HCN4: variants seen among roughly 807,000 people sequenced by gnomAD.
The protein encoded by HCN4 is hyperpolarization activated cyclic nucleotide gated potassium channel 4, also known as potassium/sodium hyperpolarization-activated cyclic nucleotide-gated channel 4.
Under a neutral mutation model 76.9 loss-of-function variants are expected in HCN4, and 29 were observed. The ratio of observed to expected loss-of-function variants is 0.38; its 90% CI spans 0.28 to 0.51. HCN4 has a LOEUF of 0.51. Ranked by LOEUF, HCN4 falls within the 20% of genes least tolerant of loss-of-function variation. HCN4 has a pLI of 0.90. For missense variants in HCN4, 1,416 were observed against 1,715.2 expected, an observed-to-expected ratio of 0.83 and a Z score of 3.08; for synonymous variants, 772 against 762.5, an observed-to-expected ratio of 1.01 and a Z score of -0.21.
At chr15:73,354,105 G>A (rs2043067266) in intron 1 of HCN4, among the ~76,000 whole-genome samples, 1 of 152,194 alleles carries the variant, frequency 6.6e-6, no homozygotes, top group African/African-American at 2.4e-5. Flanking sequence ...AAGGGCATCT[G>A]GGGCTTGGTT....
At chr15:73,364,751 G>A (rs2043121132) in intron 1 of HCN4, among the ~76,000 whole-genome samples, 1 of 152,122 alleles carries the variant, frequency 6.6e-6, no homozygotes, top group Non-Finnish European at 1.5e-5. Context: ...GAGAAGCAGA[G>A]GTAGCCCAGA....
In HCN4 at chr15:73,343,856, G is replaced by A; in HGVS notation, c.786-48C>T. On this transcript the variant is annotated intron_variant, in intron 1 of 7. Transcript: ENST00000261917. This position sits in a 1 kb window ranked among gnomAD's most constrained non-coding sequence, Gnocchi z 5.7. ...GTCGCCAGGAAGAGAGAGAGGACAAGTTACAGACTAAGGGAGGAAGATCTG... is the reference window on the plus strand; with the variant it reads ...GTCGCCAGGAAGAGAGAGAGGACAAATTACAGACTAAGGGAGGAAGATCTG... 1 of 1,588,116 alleles carries A rather than the reference G, an allele frequency of 6.3e-7. No homozygotes were observed. Among genetic ancestry groups the A allele is most frequent in the Non-Finnish European group, 8.6e-7 (1 of 1,157,912 alleles).
rs750479244 is a variant in HCN4, at chr15:73,343,408, G to A, written c.1186C>T (p.Arg396Ter). The stretch of plus-strand genomic sequence containing the variant: ...ACCTCTTCCCACTGGTGAATATATC[G>A]AATGAGGCGGGAGAGGCGTAACAGG... ...LRLLRLSRLI[R>*]YIHQWEEIFH... Residue 396 changes from arginine to a stop codon, truncating the protein, a stop_gained, in exon 2 of 8, where the codon CGA (arginine) becomes TGA (stop). Transcript: ENST00000261917. LOFTEE classifies it high-confidence loss of function. The surrounding 1 kb of genome is among the most constrained non-coding windows in gnomAD (Gnocchi z 5.7). 6.2e-7 allele frequency: 1 copy of A among 1,614,080 alleles called. No homozygotes were observed. Among genetic ancestry groups the A allele is most frequent in the Non-Finnish European group, 8.5e-7 (1 of 1,180,020 alleles).
chr15:73,336,512 G>A (rs957383224), intron 2 of HCN4, among the ~76,000 whole-genome samples: 21 of 152,160 alleles, frequency 1.4e-4, no homozygotes, highest in African/African-American at 3.1e-4. Context: ...AAATTGGCTC[G>A]TATGTCCAGC....
Position 73,367,647 on chromosome 15 carries a change from C to A in HCN4, c.624G>T (p.Leu208=). 6.2e-7 allele frequency: 1 copy of A among 1,611,014 alleles called. No individual in the cohort carries two copies. The change falls in exon 1 of 8, where the codon CTG becomes CTT. Residue 208 remains leucine (L), a synonymous_variant. Coordinates refer to ENST00000261917, the MANE Select transcript of HCN4 (RefSeq NM_005477.3). The surrounding 1 kb of genome is among the most constrained non-coding windows in gnomAD (Gnocchi z 7.5). ...GGCGCTGCATGAAGCCGGCCTGGCC[C>A]AGGCGCACCTCGGCCTCCGGGAGGA... ...DQILPEAEVR[L]GQAGFMQRQF...
In HCN4 at chr15:73,325,689, C is replaced by T. The variant is rs1357509924; in HGVS notation, c.1591-245G>A. 6.6e-6 allele frequency among the ~76,000 whole-genome samples: 1 copy of T among 152,128 alleles called. No individual in the cohort carries two copies. Among genetic ancestry groups the T allele is most frequent in the African/African-American group, 2.4e-5 (1 of 41,390 alleles). ...ACCAGCATCTGCTCCTCGCTGTGTT[C>T]AATACTAAGGAGGTGGGTGAGGGCG... On this transcript the variant is annotated intron_variant, in intron 4 of 7. Coordinates refer to ENST00000261917, the MANE Select transcript of HCN4 (RefSeq NM_005477.3). This position sits in a 1 kb window ranked among gnomAD's most constrained non-coding sequence, Gnocchi z 7.4.
At chr15:73,350,021 C>A (rs1319366307) in intron 1 of HCN4, among the ~76,000 whole-genome samples, 1 of 152,226 alleles carries the variant, frequency 6.6e-6, no homozygotes, top group Admixed American at 6.5e-5. Context: ...CATTCCAAAG[C>A]ACACACTTGA....
intron 2 of HCN4, among the ~76,000 whole-genome samples, chr15:73,332,742 C>CA (rs1279653842): frequency 6.6e-6 from 1 of 152,184 alleles, no homozygotes; most frequent in African/African-American, 2.4e-5. Context: ...ACTAAATTCT[C>CA]AAGACTCACA....
At chr15:73,332,779 A>C (rs1423081581) in intron 2 of HCN4, among the ~76,000 whole-genome samples, 1 of 152,178 alleles carries the variant, frequency 6.6e-6, no homozygotes, top group Non-Finnish European at 1.5e-5. Context: ...CTGCAGAGGA[A>C]GCGGCACAGG....
chr15:73,365,729 T>C (rs1429360910), intron 1 of HCN4, among the ~76,000 whole-genome samples: 1 of 152,186 alleles, frequency 6.6e-6, no homozygotes, highest in Non-Finnish European at 1.5e-5. Context: ...GGTTGGCCTC[T>C]TGTAGGCTCC....
At position 73,325,556 on chromosome 15, in the gene HCN4, G is replaced by A; in HGVS notation, c.1591-112C>T. The A allele has an allele frequency of 1.8e-6, 2 of 1,100,464 alleles. No homozygotes were observed. Among genetic ancestry groups the A allele is most frequent in the Admixed American group, 3.5e-5 (2 of 57,660 alleles). The allele number at this position is 1,100,464 out of a possible 1,614,324, so 68.2% of individuals were successfully genotyped here. On this transcript the variant is annotated intron_variant, in intron 4 of 7. Coordinates refer to ENST00000261917, the MANE Select transcript of HCN4 (RefSeq NM_005477.3). The surrounding 1 kb of genome is among the most constrained non-coding windows in gnomAD (Gnocchi z 7.4). ...GGCACCCACCCCGGGGGATTTCCTG[G>A]CTAAACTTGGTTCCTTGAGATCTGA...
intron 1 of HCN4, among the ~76,000 whole-genome samples, chr15:73,357,999 C>G (rs2043088829): frequency 6.6e-6 from 1 of 152,180 alleles, no homozygotes; most frequent in Non-Finnish European, 1.5e-5. Context: ...GGCTCAATAC[C>G]TATTTGGCCA....
chr15:73,368,215 A>G lies in HCN4; in HGVS notation c.56T>C (p.Val19Ala), dbSNP rs1358888636. ...GTCCATGATCCACGCCTTGGCCCCCACCTGCTGCGGGAGGCTGTAGAGCCG... is the reference window on the plus strand; with the variant it reads ...GTCCATGATCCACGCCTTGGCCCCCGCCTGCTGCGGGAGGCTGTAGAGCCG... ...RKRLYSLPQQ[V>A]GAKAWIMDEE... The change falls in exon 1 of 8, where the codon GTG becomes GCG. Residue 19 changes from valine to alanine, a missense_variant. By Grantham distance (64) the Val-to-Ala change is moderately conservative. Coordinates refer to ENST00000261917, the MANE Select transcript of HCN4 (RefSeq NM_005477.3). This position sits in a 1 kb window ranked among gnomAD's most constrained non-coding sequence, Gnocchi z 6.9. 2 of 1,528,912 alleles carry G rather than the reference A, an allele frequency of 1.3e-6. No individual in the cohort carries two copies. The highest frequency in any genetic ancestry group is 2.6e-5 in the East Asian group (1 of 38,296). The allele number at this position is 1,528,912 out of a possible 1,614,324, so 94.7% of individuals were successfully genotyped here. A position where few individuals can be genotyped will look rare whatever the true frequency, so the allele number is the denominator to read the frequency against.
At chr15:73,324,482 C>T (rs898679709) in intron 6 of HCN4, among the ~76,000 whole-genome samples, 1 of 152,228 alleles carries the variant, frequency 6.6e-6, no homozygotes. Flanking sequence ...ATGTGTTCCC[C>T]CAAAATTTAT....
At chr15:73,364,697 T>G (rs1349461552) in intron 1 of HCN4, among the ~76,000 whole-genome samples, 1 of 152,076 alleles carries the variant, frequency 6.6e-6, no homozygotes, top group East Asian at 1.9e-4. Context: ...CAGGGCATGG[T>G]TTCTTTTCTA....
Position 73,367,941 on chromosome 15 carries a change from G to A in HCN4, c.330C>T (p.Ser110=). The A allele has an allele frequency of 4.4e-6, 6 of 1,357,400 alleles. No individual in the cohort carries two copies. Among genetic ancestry groups the A allele is most frequent in the Admixed American group, 3.1e-5 (1 of 32,636 alleles). The allele number at this position is 1,357,400 out of a possible 1,614,324, so 84.1% of individuals were successfully genotyped here. ...LASLGSRGGG[S]GGTGSGSSHG... Reference sequence around the variant, plus strand: ...GACTGCTGCCGCTCCCCGTGCCGCCGCTGCCGCCGCCCCGGCTGCCCAGCG... The same window carrying A: ...GACTGCTGCCGCTCCCCGTGCCGCCACTGCCGCCGCCCCGGCTGCCCAGCG... The change falls in exon 1 of 8, where the codon AGC becomes AGT. Residue 110 remains serine (S), a synonymous_variant. Coordinates refer to ENST00000261917, the MANE Select transcript of HCN4 (RefSeq NM_005477.3). This position sits in a 1 kb window ranked among gnomAD's most constrained non-coding sequence, Gnocchi z 7.5.
At chr15:73,337,995 C>T (rs970644969) in intron 2 of HCN4, among the ~76,000 whole-genome samples, 21 of 152,256 alleles carry the variant, frequency 1.4e-4, no homozygotes, top group Admixed American at 1.2e-3. Flanking sequence ...TTAGACACCA[C>T]AAAGCTGGAG....
rs534637107 is a variant in HCN4 at position 73,329,810 on chromosome 15, G to T, written c.1372-19C>A. On this transcript the variant is annotated intron_variant, in intron 3 of 7. Coordinates refer to ENST00000261917, the MANE Select transcript of HCN4 (RefSeq NM_005477.3). ...AGTTGTTCTGTGGACAGACGGATGG[G>T]TGGGGACAGTGGATGAGAGGGAAGG... 2 of 1,595,410 alleles carry T rather than the reference G, an allele frequency of 1.3e-6. No individual in the cohort carries two copies. The highest frequency in any genetic ancestry group is 2.2e-5 in the South Asian group (2 of 90,776).
At chr15:73,355,386 C>T (rs1237874364) in intron 1 of HCN4, among the ~76,000 whole-genome samples, 1 of 151,834 alleles carries the variant, frequency 6.6e-6, no homozygotes, top group Non-Finnish European at 1.5e-5. Flanking sequence ...CCATGAATCT[C>T]TGCAGTGCAG....
Sources: gnomAD v4.1 joint callset for allele counts (sites outside exome capture counted in the v4.1 genomes callset) on GRCh38, gnomAD v4.1.1 for gene constraint, Gnocchi (gnomAD v3.1) non-coding constraint, MANE v1.5 for transcripts, NCBI Gene and HGNC (gene_info 2026-07-23, HGNC 2026-07-21) for gene names.